RUNX2: variants seen among roughly 807,000 people sequenced by gnomAD.
RUNX2 encodes RUNX family transcription factor 2.
A neutral mutation model predicts 51.7 loss-of-function variants in RUNX2; 10 were observed. The ratio of observed to expected loss-of-function variants is 0.19; its 90% CI spans 0.12 to 0.33. The LOEUF (loss-of-function observed/expected upper bound fraction) is 0.33, where lower values mean the gene tolerates loss of function less well. Among genes scored for constraint, RUNX2 ranks in the 10% least tolerant of loss-of-function variants. The pLI, the probability that RUNX2 is intolerant of heterozygous loss-of-function variation, is 1.00. For synonymous variants in RUNX2, 276 were observed against 273.6 expected (o/e 1.01, Z -0.09); for missense variants, 562 against 691.3 (o/e 0.81, Z 2.10).
chr6:45,529,768 G>A (rs1582211383), intron 7 of RUNX2, among the ~76,000 whole-genome samples: 3 of 152,168 alleles, frequency 2.0e-5, no homozygotes, highest in East Asian at 3.9e-4. Context: ...AAAATTGGTA[G>A]GGTAGTTTAT....
At chr6:45,534,170 C>T (rs372943246) in intron 7 of RUNX2, among the ~76,000 whole-genome samples, 1 of 152,080 alleles carries the variant, frequency 6.6e-6, no homozygotes, top group Admixed American at 6.6e-5. Flanking sequence ...GCTGGGATTA[C>T]AGACCTGAGC....
intron 2 of RUNX2, among the ~76,000 whole-genome samples, chr6:45,370,668 G>A (rs1347695896): frequency 6.6e-6 from 1 of 152,050 alleles, no homozygotes; most frequent in Non-Finnish European, 1.5e-5. Flanking sequence ...AAAAAAATCT[G>A]AATTGAAAAT....
chr6:45,403,682 T>C (rs1289175864), intron 2 of RUNX2, among the ~76,000 whole-genome samples: 4 of 152,206 alleles, frequency 2.6e-5, no homozygotes, highest in Non-Finnish European at 5.9e-5. Context: ...ATGCCCATTA[T>C]GTGTGAGTCA....
intron 2 of RUNX2, among the ~76,000 whole-genome samples, chr6:45,396,186 T>A (rs1474406519): frequency 6.6e-6 from 1 of 152,222 alleles, no homozygotes; most frequent in Non-Finnish European, 1.5e-5. Flanking sequence ...GATTCCATAC[T>A]AATTCTCAGA....
intron 2 of RUNX2, among the ~76,000 whole-genome samples, chr6:45,366,853 C>T (rs768485086): frequency 1.3e-4 from 20 of 152,264 alleles, no homozygotes; most frequent in Non-Finnish European, 2.6e-4. Flanking sequence ...TCTTGTCCTA[C>T]GGCTATGGCC....
chr6:45,403,970 A>G (rs540822563), intron 2 of RUNX2, among the ~76,000 whole-genome samples: 1 of 152,140 alleles, frequency 6.6e-6, no homozygotes, highest in African/African-American at 2.4e-5. Flanking sequence ...TAAAAAGATG[A>G]GGGAGTAGGC....
chr6:45,517,049 G>GA (rs1801354195), intron 7 of RUNX2, among the ~76,000 whole-genome samples: 4 of 152,144 alleles, frequency 2.6e-5, no homozygotes, highest in African/African-American at 9.7e-5. Flanking sequence ...TAATGAAGTA[G>GA]AAGGGATTTA....
chr6:45,488,599 C>T (rs1339669672), intron 5 of RUNX2, among the ~76,000 whole-genome samples: 1 of 152,124 alleles, frequency 6.6e-6, no homozygotes, highest in Non-Finnish European at 1.5e-5. Context: ...AGACCTTTTC[C>T]CCAGGTCCCA....
intron 8 of RUNX2, 64 bp from the exon 9 acceptor site, chr6:45,546,763 A>G: frequency 7.3e-7 from 1 of 1,361,526 alleles, no homozygotes. Context: ...TCTTGTAACA[A>G]TTCTATCATT....
intron 5 of RUNX2, among the ~76,000 whole-genome samples, chr6:45,473,988 T>G (rs1799880927): frequency 6.6e-6 from 1 of 152,162 alleles, no homozygotes. Flanking sequence ...CAGGTGTAAA[T>G]GTCTGAATTA....
intron 2 of RUNX2, among the ~76,000 whole-genome samples, chr6:45,392,575 CATA>C (rs1313814440): frequency 6.6e-6 from 1 of 152,040 alleles, no homozygotes; most frequent in African/African-American, 2.4e-5. Flanking sequence ...GTATAATCCG[CATA>C]ATAATTCTGT....
chr6:45,471,267 A>G (rs1454135935), intron 5 of RUNX2, among the ~76,000 whole-genome samples: 2 of 152,272 alleles, frequency 1.3e-5, no homozygotes, highest in East Asian at 3.9e-4. Flanking sequence ...TCCTGGTTGT[A>G]AGGAGTGTGT....
intron 2 of RUNX2, among the ~76,000 whole-genome samples, chr6:45,343,235 TG>T (rs1403828386): frequency 2.0e-5 from 3 of 151,922 alleles, no homozygotes; most frequent in Non-Finnish European, 2.9e-5. Context: ...CTCAGCCGGG[TG>T]CAGTGGCTCA....
chr6:45,455,548 G>T (rs1044468555), intron 5 of RUNX2, among the ~76,000 whole-genome samples: 2 of 152,124 alleles, frequency 1.3e-5, no homozygotes, highest in African/African-American at 4.8e-5. Flanking sequence ...AAATAACTTT[G>T]AGAGTCTAAC....
At chr6:45,395,753 C>T (rs1433695291) in intron 2 of RUNX2, among the ~76,000 whole-genome samples, 1 of 152,174 alleles carries the variant, frequency 6.6e-6, no homozygotes. Context: ...CTGCAACCTC[C>T]ACTTCCTGGA....
chr6:45,399,783 G>GA (rs1582071289), intron 2 of RUNX2, among the ~76,000 whole-genome samples: 6 of 145,652 alleles, frequency 4.1e-5, no homozygotes, highest in African/African-American at 1.3e-4. Context: ...GGGAGGGAGG[G>GA]AGGAAAGGAG....
At chr6:45,432,127 A>G in intron 4 of RUNX2, 108 bp downstream of exon 4, 2 of 1,052,612 alleles carry the variant, frequency 1.9e-6, no homozygotes, top group East Asian at 5.2e-5. Context: ...TCTGAATAGA[A>G]TTACTGAAGA....
chr6:45,492,787 G>T (rs776482065), intron 6 of RUNX2, among the ~76,000 whole-genome samples: 8 of 152,096 alleles, frequency 5.3e-5, no homozygotes, highest in Admixed American at 1.3e-4. Flanking sequence ...TGTCCCACTT[G>T]TGCAAAAACA....
chr6:45,489,543 C>G (rs576864537), intron 5 of RUNX2, among the ~76,000 whole-genome samples: 1 of 152,330 alleles, frequency 6.6e-6, no homozygotes, highest in Admixed American at 6.5e-5. Flanking sequence ...ATAAAGGAAC[C>G]ATGCAAGATC....
Sources: allele counts gnomAD v4.1 joint callset (sites outside exome capture counted in the v4.1 genomes callset), GRCh38; gene constraint gnomAD v4.1.1; transcripts MANE v1.5; gene names NCBI Gene and HGNC (gene_info 2026-07-23, HGNC 2026-07-21).